ZNF383: variants seen among roughly 807,000 people sequenced by gnomAD.
ZNF383 encodes the protein zinc finger protein 383.
A neutral mutation model predicts 44.2 loss-of-function variants in ZNF383; 32 were observed. The observed-to-expected ratio is 0.72, with a 90% CI of 0.55 to 0.97. The LOEUF is 0.97. Among genes scored for constraint, ZNF383 ranks in the 50% least tolerant of loss-of-function variants. The pLI is 0.00. For synonymous variants in ZNF383, 155 were observed against 186.2 expected (o/e 0.83, Z 1.36); for missense variants, 487 against 562.5 (o/e 0.87, Z 1.36).
At chr19:37,228,662 A>G (rs1321903102) in intron 2 of ZNF383, among the ~76,000 whole-genome samples, 4 of 151,854 alleles carry the variant, frequency 2.6e-5, no homozygotes, top group African/African-American at 7.3e-5. Context: ...ATCTTGGGAT[A>G]TTGTGTGAGG....
chr19:37,225,831 C>G (rs867761315), intron 2 of ZNF383, among the ~76,000 whole-genome samples: 1 of 150,032 alleles, frequency 6.7e-6, no homozygotes, highest in Non-Finnish European at 1.5e-5. Context: ...GCTCTTGTCA[C>G]CAGGCTGGAG....
intron 1 of ZNF383, among the ~76,000 whole-genome samples, chr19:37,222,256 GTAA>G (rs1972959804): frequency 1.3e-5 from 2 of 151,612 alleles, no homozygotes; most frequent in South Asian, 4.1e-4. Context: ...AATGTATTCT[GTAA>G]TAATATGTAG....
At chr19:37,226,404 G>A (rs141788464) in intron 2 of ZNF383, 4 of 152,220 alleles carry the variant, frequency 2.6e-5, no homozygotes, top group South Asian at 2.1e-4. Context: ...ACACATCCAG[G>A]GGTTTGGACA....
At chr19:37,227,672 T>TCGG (rs1241013003) in intron 2 of ZNF383, 3 of 152,484 alleles carry the variant, frequency 2.0e-5, no homozygotes, top group African/African-American at 7.3e-5. Context: ...CCCGAATGCC[T>TCGG]GGTCGCGCTG....
At chr19:37,233,411 G>A (rs960295802) in intron 3 of ZNF383, among the ~76,000 whole-genome samples, 2 of 149,270 alleles carry the variant, frequency 1.3e-5, no homozygotes, top group Non-Finnish European at 3.0e-5. Context: ...GATTACAGGC[G>A]TGAGCCACTG....
rs1183820933 is a variant in ZNF383, at chr19:37,235,622, G to A, written c.83G>A (p.Arg28Lys). The A allele has an allele frequency of 6.2e-7, 1 of 1,613,930 alleles. No individual in the cohort carries two copies. The highest frequency in any genetic ancestry group is 1.3e-5 in the African/African-American group (1 of 74,924). ...EEWDCLDPVQ[R>K]DLYRDVMLEN... is the part of the protein sequence containing the mutation. The stretch of plus-strand genomic sequence containing the variant: ...TGGGACTGCCTGGACCCTGTTCAGA[G>A]GGACTTATACAGAGATGTGATGTTG... The change falls in exon 4 of 6, where the codon AGG becomes AAG. Residue 28 changes from arginine to lysine, a missense_variant. Transcript: ENST00000684119.
At chr19:37,228,187 A>G (rs935968722) in intron 2 of ZNF383, among the ~76,000 whole-genome samples, 1 of 152,232 alleles carries the variant, frequency 6.6e-6, no homozygotes, top group East Asian at 1.9e-4. Flanking sequence ...GTGCCTTCCC[A>G]GGTACTGGCG....
At chr19:37,236,247 T>C (rs1352243530) in intron 5 of ZNF383, among the ~76,000 whole-genome samples, 173 bp downstream of exon 5, 2 of 152,014 alleles carry the variant, frequency 1.3e-5, no homozygotes, top group African/African-American at 4.8e-5. Context: ...TTCGCCCTTT[T>C]CCTCACTTAC....
At chr19:37,226,696 A>G (rs1973184553) in intron 2 of ZNF383, 1 of 152,174 alleles carries the variant, frequency 6.6e-6, no homozygotes, top group South Asian at 2.1e-4. Context: ...TATTTTTAAT[A>G]TAGATTTTAA....
intron 5 of ZNF383, among the ~76,000 whole-genome samples, chr19:37,238,100 C>T (rs1306804831): frequency 1.3e-5 from 2 of 151,668 alleles, no homozygotes; most frequent in African/African-American, 2.4e-5. Context: ...TGGGTTCAAG[C>T]GATCCACCCA....
chr19:37,235,468 G>A, intron 3 of ZNF383, 81 bp from the exon 4 acceptor site: 1 of 1,455,878 alleles, frequency 6.9e-7, no homozygotes, highest in African/African-American at 1.4e-5. Flanking sequence ...GACTCATTTT[G>A]TATTACCCCA....
At chr19:37,231,703 A>G (rs981969972) in intron 3 of ZNF383, among the ~76,000 whole-genome samples, 7 of 152,176 alleles carry the variant, frequency 4.6e-5, no homozygotes, top group African/African-American at 1.4e-4. Flanking sequence ...GTTGTGTTAT[A>G]CCAGATCATG....
At chr19:37,229,373 G>A (rs1384180081) in intron 2 of ZNF383, among the ~76,000 whole-genome samples, 1 of 148,876 alleles carries the variant, frequency 6.7e-6, no homozygotes, top group Non-Finnish European at 1.5e-5. Flanking sequence ...TGATCAGGCT[G>A]GTCTCGAACT....
chr19:37,229,275 C>T (rs528885840), intron 2 of ZNF383, among the ~76,000 whole-genome samples: 2 of 150,992 alleles, frequency 1.3e-5, no homozygotes, highest in East Asian at 3.9e-4. Flanking sequence ...CTGCCTCAGC[C>T]TCCCGAGTAG....
At chr19:37,227,271 C>G (rs1446544267) in intron 2 of ZNF383, among the ~76,000 whole-genome samples, 1 of 151,974 alleles carries the variant, frequency 6.6e-6, no homozygotes, top group Non-Finnish European at 1.5e-5. Flanking sequence ...TGTACCACCA[C>G]GCCCGGCTAA....
At chr19:37,229,611 T>A in intron 2 of ZNF383, among the ~76,000 whole-genome samples, 1 of 140,278 alleles carries the variant, frequency 7.1e-6, no homozygotes, top group Admixed American at 7.1e-5. Context: ...AGCATATATA[T>A]ATATGTGTGT....
chr19:37,226,943 C>T (rs1052620239), intron 2 of ZNF383, among the ~76,000 whole-genome samples: 3 of 151,526 alleles, frequency 2.0e-5, no homozygotes, highest in Non-Finnish European at 2.9e-5. Context: ...CAAGTAGCTG[C>T]GACTACAGGC....
intron 3 of ZNF383, 123 bp from the exon 4 acceptor site, chr19:37,235,424 TAA>T: frequency 4.3e-6 from 4 of 933,640 alleles, no homozygotes; most frequent in Non-Finnish European, 6.5e-6. Context: ...TTCTGAAATC[TAA>T]AGATACAGGT....
chr19:37,230,162 C>T (rs892161994), intron 2 of ZNF383, among the ~76,000 whole-genome samples: 11 of 152,108 alleles, frequency 7.2e-5, no homozygotes, highest in African/African-American at 2.2e-4. Context: ...GGCCCGAATC[C>T]GTTGGCTAAG....
Sources: allele counts gnomAD v4.1 joint callset (sites outside exome capture counted in the v4.1 genomes callset), GRCh38; gene constraint gnomAD v4.1.1; transcripts MANE v1.5; gene names NCBI Gene and HGNC (gene_info 2026-07-23, HGNC 2026-07-21).